The following CHRNA7 variants were observed in gnomAD, a reference collection of about 807,000 sequenced individuals.
The protein encoded by CHRNA7 is cholinergic receptor nicotinic alpha 7 subunit, also known as neuronal acetylcholine receptor subunit alpha-7.
CHRNA7 carries 17 observed loss-of-function variants against 48.0 expected under a neutral mutation model. That is an observed-to-expected ratio of 0.35 (90% CI 0.24 to 0.53). The LOEUF is 0.53. CHRNA7 is among the 20% of genes least tolerant of loss of function. CHRNA7 has a pLI of 0.92. For missense variants in CHRNA7, 155 were observed against 577.7 expected, an observed-to-expected ratio of 0.27 and a Z score of 7.50; for synonymous variants, 75 against 242.3, an observed-to-expected ratio of 0.31 and a Z score of 6.41.
intron 3 of CHRNA7, among the ~76,000 whole-genome samples, chr15:32,108,905 C>T (rs534282244): frequency 2.6e-5 from 4 of 152,294 alleles, no homozygotes; most frequent in African/African-American, 4.8e-5. Flanking sequence ...AACAAGCTCA[C>T]GCCGCTAGTC....
intron 4 of CHRNA7, among the ~76,000 whole-genome samples, chr15:32,129,732 T>C (rs1199517178): frequency 6.6e-6 from 1 of 151,838 alleles, no homozygotes; most frequent in East Asian, 1.9e-4. Flanking sequence ...ATTTTATACT[T>C]TTATATTTAT....
chr15:32,111,207 C>T (rs896972201), intron 3 of CHRNA7: 2 of 152,304 alleles, frequency 1.3e-5, no homozygotes, highest in African/African-American at 4.8e-5. Context: ...TCACCTGCCT[C>T]CTTTCGTCCT....
At chr15:32,066,781 G>A (rs2049974025) in intron 2 of CHRNA7, among the ~76,000 whole-genome samples, 2 of 152,126 alleles carry the variant, frequency 1.3e-5, no homozygotes, top group South Asian at 4.1e-4. Flanking sequence ...AGTAAACACT[G>A]TCTAAAACAC....
intron 2 of CHRNA7, among the ~76,000 whole-genome samples, chr15:32,037,381 G>A (rs777727872): frequency 2.2e-4 from 34 of 152,062 alleles, no homozygotes; most frequent in African/African-American, 7.2e-4. Flanking sequence ...CAACTTTGTC[G>A]TTCCTCAACA....
intron 4 of CHRNA7, among the ~76,000 whole-genome samples, chr15:32,129,465 C>T (rs1460519721): frequency 6.6e-6 from 1 of 151,806 alleles, no homozygotes; most frequent in Admixed American, 6.6e-5. Context: ...TTATTTATAG[C>T]CTATTGGTTG....
At chr15:32,092,912 C>T (rs2050406246) in intron 2 of CHRNA7, among the ~76,000 whole-genome samples, 1 of 152,114 alleles carries the variant, frequency 6.6e-6, no homozygotes, top group African/African-American at 2.4e-5. Context: ...TTGCAGCTAG[C>T]TTTTTGACAA....
At chr15:32,040,372 G>A (rs968604803) in intron 2 of CHRNA7, among the ~76,000 whole-genome samples, 8 of 151,480 alleles carry the variant, frequency 5.3e-5, no homozygotes, top group African/African-American at 1.2e-4. Context: ...ATATGGTTAT[G>A]TTTTCCCTCC....
intron 4 of CHRNA7, among the ~76,000 whole-genome samples, chr15:32,130,762 T>G (rs1373159905): frequency 2.0e-5 from 3 of 152,060 alleles, no homozygotes; most frequent in Non-Finnish European, 4.4e-5. Flanking sequence ...CTGGTTCAAG[T>G]AAAGTAGATA....
Position 32,101,457 on chromosome 15 carries a change from A to AGG in CHRNA7, c.240+110_240+111insGG, listed in dbSNP as rs1555381533. 16 of 1,204,100 alleles carry AGG rather than the reference A, an allele frequency of 1.3e-5. 1 individual carries two copies. In the Admixed American group the frequency reaches 3.7e-4, roughly 27 times the overall value. The allele number at this position is 1,204,100 out of a possible 1,614,324, so 74.6% of individuals were successfully genotyped here. On this transcript the variant is annotated intron_variant, in intron 3 of 9. Coordinates refer to ENST00000306901, the MANE Select transcript of CHRNA7 (RefSeq NM_000746.6). ...TCTGAGAGGTCCTGTTTAGGAAAAA[A>AGG]AACCAAAAAAACAAAAGGCCATGGC...
intron 2 of CHRNA7, among the ~76,000 whole-genome samples, chr15:32,038,240 C>T (rs1443524583): frequency 1.3e-5 from 2 of 148,734 alleles, no homozygotes; most frequent in Non-Finnish European, 3.0e-5. Context: ...TATGTATATA[C>T]ACACATATAC....
chr15:32,087,328 T>G (rs1009318834), intron 2 of CHRNA7, among the ~76,000 whole-genome samples: 1 of 152,312 alleles, frequency 6.6e-6, no homozygotes, highest in Non-Finnish European at 1.5e-5. Context: ...TATTTTATTT[T>G]TTTCACTCAT....
At chr15:32,112,434 A>G (rs2050778404) in intron 4 of CHRNA7, 1 of 443,768 alleles carries the variant, frequency 2.3e-6, no homozygotes, top group African/African-American at 2.0e-5. Context: ...CTGATTTCTA[A>G]TAGTCTTTCT....
rs866049259 is a variant in CHRNA7 at position 32,051,359 on chromosome 15, G to A, written c.195+20322G>A. Reference sequence around the variant, plus strand: ...TAAGCGAGCCTAGGCAATGGCGGGCGCCCCTCCCCCAGCCTTGCTGAAGCC... The same window carrying A: ...TAAGCGAGCCTAGGCAATGGCGGGCACCCCTCCCCCAGCCTTGCTGAAGCC... On this transcript the variant is annotated intron_variant, in intron 2 of 9. Transcript: ENST00000306901. Among the ~76,000 whole-genome samples the A allele has an allele frequency of 9.1e-4, 138 of 152,288 alleles. 2 individuals are homozygous for A. The highest frequency in any genetic ancestry group is 8.9e-3 in the South Asian group (43 of 4,816).
At chr15:32,101,695 C>A in intron 3 of CHRNA7, 1 of 224,314 alleles carries the variant, frequency 4.5e-6, no homozygotes, top group Non-Finnish European at 8.6e-6. Flanking sequence ...AGCTCCATCC[C>A]TGCCCTCTGT....
intron 3 of CHRNA7, among the ~76,000 whole-genome samples, chr15:32,106,618 A>T (rs2050674012): frequency 6.6e-6 from 1 of 152,162 alleles, no homozygotes; most frequent in Non-Finnish European, 1.5e-5. Flanking sequence ...TGTCAGACAT[A>T]ATCTGATTTA....
At chr15:32,150,595 T>C (rs1004704728) in intron 4 of CHRNA7, among the ~76,000 whole-genome samples, 1 of 152,200 alleles carries the variant, frequency 6.6e-6, no homozygotes, top group Non-Finnish European at 1.5e-5. Flanking sequence ...ACAGGACACA[T>C]AAATTAACAC....
intron 4 of CHRNA7, among the ~76,000 whole-genome samples, chr15:32,135,686 TA>T (rs2051244124): frequency 6.6e-6 from 1 of 152,106 alleles, no homozygotes; most frequent in Non-Finnish European, 1.5e-5. Flanking sequence ...GATGTAATAA[TA>T]TTGATGAAAA....
intron 2 of CHRNA7, among the ~76,000 whole-genome samples, chr15:32,069,416 CAGG>C (rs1478111456): frequency 3.3e-5 from 5 of 152,188 alleles, no homozygotes; most frequent in African/African-American, 1.2e-4. Context: ...GAGGCTGAGG[CAGG>C]AGGATCACTT....
Position 32,030,777 on chromosome 15 carries a change from G to T in CHRNA7, c.56-121G>T. 4.0e-6 allele frequency: 6 copies of T among 1,500,654 alleles called. No homozygotes were observed. The South Asian group carries it at 6.5e-5, about 16-fold the overall frequency. 93.0% of individuals were successfully genotyped at this position (1,500,654 alleles called of 1,614,324 possible). A position where few individuals can be genotyped will look rare whatever the true frequency, so the allele number is the denominator to read the frequency against. ...GCCGCCGGGGAGGGGCAGCGGGGGC[G>T]CTGCGGGGGCTGCTTGTCTGGGCTG... On this transcript the variant is annotated intron_variant, in intron 1 of 9. Coordinates refer to ENST00000306901, the MANE Select transcript of CHRNA7 (RefSeq NM_000746.6).
Sources: gnomAD v4.1 joint callset for allele counts (sites outside exome capture counted in the v4.1 genomes callset) on GRCh38, gnomAD v4.1.1 for gene constraint, MANE v1.5 for transcripts, NCBI Gene and HGNC (gene_info 2026-07-23, HGNC 2026-07-21) for gene names.